Variants in ABL2 observed in about 807,000 individuals in gnomAD.
The protein encoded by ABL2 is tyrosine-protein kinase ABL2.
In ABL2, 49 loss-of-function variants were observed where a neutral mutation model predicts 107.7. The ratio of observed to expected loss-of-function variants is 0.45; its 90% CI spans 0.36 to 0.58. The LOEUF (loss-of-function observed/expected upper bound fraction) is 0.58, where lower values mean the gene tolerates loss of function less well. Ranked by LOEUF, ABL2 falls within the 20% of genes least tolerant of loss-of-function variation. The pLI, the probability that ABL2 is intolerant of heterozygous loss-of-function variation, is 0.00. For synonymous variants in ABL2, 549 were observed against 548.6 expected (o/e 1.00, Z -0.01); for missense variants, 1,245 against 1,457.0 (o/e 0.85, Z 2.37).
At position 179,229,336 on chromosome 1, in the gene ABL2, C is replaced by T. The variant is rs766129565; in HGVS notation, c.62G>A (p.Gly21Glu). 2 of 1,585,378 alleles carry T rather than the reference C, an allele frequency of 1.3e-6. No homozygotes were observed. Among genetic ancestry groups the T allele is most frequent in the South Asian group, 1.1e-5 (1 of 88,058 alleles). The change falls in exon 1 of 12, where the codon GGG (glycine) becomes GAG (glutamate). Residue 21 changes from glycine to glutamate, a missense_variant. This residue lies in a region of ABL2 where 164 missense variants were observed against 143.7 expected (regional missense o/e 1.14). Transcript: ENST00000502732. ...APGLQQPQPR[G>E]IRGSSAARPS... Reference sequence around the variant, plus strand: ...CCTGGCTGCACTGCTGCCCCGGATCCCGCGGGGCTGAGGCTGCTGGAGCCC... The same window carrying T: ...CCTGGCTGCACTGCTGCCCCGGATCTCGCGGGGCTGAGGCTGCTGGAGCCC...
intron 1 of ABL2, among the ~76,000 whole-genome samples, chr1:179,192,471 T>C (rs1210320564): frequency 2.6e-5 from 4 of 152,230 alleles, no homozygotes; most frequent in Admixed American, 6.5e-5. Context: ...TTATTCTCAC[T>C]GGACAAATAA....
chr1:179,130,723 A>ATTTTTTT (rs1006826497), intron 3 of ABL2, among the ~76,000 whole-genome samples: 6 of 114,568 alleles, frequency 5.2e-5, no homozygotes, highest in African/African-American at 2.5e-4. Flanking sequence ...ATCATTATTG[A>ATTTTTTT]TTTTGTGTGT....
At chr1:179,192,723 T>A (rs1442035004) in intron 1 of ABL2, among the ~76,000 whole-genome samples, 1 of 152,082 alleles carries the variant, frequency 6.6e-6, no homozygotes, top group Admixed American at 6.6e-5. Flanking sequence ...ATAGAAAAAA[T>A]TTTAAAACTA....
chr1:179,200,646 G>C lies in ABL2; in HGVS notation c.157+28595C>G, dbSNP rs948789145. ...CATGTAGAGATTTTGTATGAACATG[G>C]AGATTCCAATTATAAACTTATCTGA... On this transcript the variant is annotated intron_variant, in intron 1 of 11. Coordinates refer to ENST00000502732, the MANE Select transcript of ABL2 (RefSeq NM_007314.4). Among the ~76,000 whole-genome samples, 113 of 152,224 alleles carry C rather than the reference G, an allele frequency of 7.4e-4. 2 individuals carry two copies. The highest frequency in any genetic ancestry group is 2.0e-3 in the Admixed American group (31 of 15,290).
At position 179,104,310 on chromosome 1, in the gene ABL2, C is replaced by G. The variant is rs1042721264; in HGVS notation, c.*3408G>C. On this transcript the variant is annotated 3_prime_UTR_variant, in exon 12 of 12. Coordinates refer to ENST00000502732, the MANE Select transcript of ABL2 (RefSeq NM_007314.4). Reference sequence around the variant, plus strand: ...TTAGACTGGCATTAGAGCCTAAACACTAAACCACTATCTATACTGCATCCT... The same window carrying G: ...TTAGACTGGCATTAGAGCCTAAACAGTAAACCACTATCTATACTGCATCCT... The G allele has an allele frequency of 8.8e-6, 2 of 227,918 alleles. No individual in the cohort carries two copies. The highest frequency in any genetic ancestry group is 1.7e-5 in the Non-Finnish European group (2 of 114,852). The allele number at this position is 227,918 out of a possible 1,614,324, so 14.1% of individuals were successfully genotyped here.
chr1:179,187,563 T>C (rs1262325871), intron 1 of ABL2, among the ~76,000 whole-genome samples: 3 of 152,214 alleles, frequency 2.0e-5, no homozygotes, highest in Non-Finnish European at 4.4e-5. Flanking sequence ...TATTGGAGTT[T>C]CTTTGGGGAA....
chr1:179,118,832 A>C, intron 6 of ABL2, 68 bp from the exon 7 acceptor site: 1 of 1,526,748 alleles, frequency 6.5e-7, no homozygotes, highest in Non-Finnish European at 8.9e-7. Flanking sequence ...ACTTTGGCCA[A>C]GAATAATTTG....
At chr1:179,117,560 G>C (rs1181734923) in intron 7 of ABL2, 44 bp from the exon 8 acceptor site, 1 of 1,602,436 alleles carries the variant, frequency 6.2e-7, no homozygotes, top group East Asian at 2.2e-5. Flanking sequence ...CAGATGGTGA[G>C]GAAAATGGTC....
At chr1:179,181,558 C>G (rs548143459) in intron 1 of ABL2, among the ~76,000 whole-genome samples, 1 of 152,256 alleles carries the variant, frequency 6.6e-6, no homozygotes, top group African/African-American at 2.4e-5. Flanking sequence ...CTATCTATAT[C>G]ATGGTGCTGC....
chr1:179,116,952 C>G (rs1461486545), intron 8 of ABL2: 1 of 284,850 alleles, frequency 3.5e-6, no homozygotes, highest in Non-Finnish European at 6.8e-6. Context: ...CCTGCCTCAG[C>G]CTTCAGCCTC....
rs753289224 is a variant in ABL2, at chr1:179,130,728, G to T, written c.391+583C>A. 4.5e-3 allele frequency among the ~76,000 whole-genome samples: 444 copies of T among 97,644 alleles called. 2 individuals carry two copies. The highest frequency in any genetic ancestry group is 0.02 in the African/African-American group (385 of 19,612). 64.1% of individuals were successfully genotyped at this position (97,644 alleles called of 152,430 possible). A position where few individuals can be genotyped will look rare whatever the true frequency, so the allele number is the denominator to read the frequency against. On this transcript the variant is annotated intron_variant, in intron 3 of 11. Coordinates refer to ENST00000502732, the MANE Select transcript of ABL2 (RefSeq NM_007314.4). The stretch of plus-strand genomic sequence containing the variant: ...AATAAAATCAATCATTATTGATTTT[G>T]TGTGTGTGTGTGTGTGTGTGTGTGT...
rs28914471 is a variant in ABL2, at chr1:179,192,491, T to C, written c.157+36750A>G. Reference sequence around the variant, plus strand: ...CTCACTGGACAAATAAATATCCTTGTTCTTGTCCCACACTGCCTGAATTTC... The same window carrying C: ...CTCACTGGACAAATAAATATCCTTGCTCTTGTCCCACACTGCCTGAATTTC... On this transcript the variant is annotated intron_variant, in intron 1 of 11. Transcript: ENST00000502732. Among the ~76,000 whole-genome samples, 716 of 152,346 alleles carry C rather than the reference T, an allele frequency of 4.7e-3. 5 individuals are homozygous for C. Among genetic ancestry groups the C allele is most frequent in the African/African-American group, 0.016 (675 of 41,580 alleles).
At chr1:179,188,583 C>G (rs1008885137) in intron 1 of ABL2, among the ~76,000 whole-genome samples, 1 of 151,960 alleles carries the variant, frequency 6.6e-6, no homozygotes, top group Non-Finnish European at 1.5e-5. Context: ...TCTACTATCA[C>G]TCTCTCCCTT....
chr1:179,206,994 A>G (rs917411480), intron 1 of ABL2, among the ~76,000 whole-genome samples: 1 of 152,160 alleles, frequency 6.6e-6, no homozygotes, highest in Non-Finnish European at 1.5e-5. Context: ...TGAAAGAGAG[A>G]GACAGAATAT....
chr1:179,177,471 CAGA>C (rs1660114758), intron 1 of ABL2, among the ~76,000 whole-genome samples: 1 of 152,218 alleles, frequency 6.6e-6, no homozygotes, highest in Non-Finnish European at 1.5e-5. Flanking sequence ...CAGCAGAATT[CAGA>C]AGGGCAGTCA....
In ABL2 at chr1:179,148,583, T is replaced by C. The variant is rs1488357264; in HGVS notation, c.158-15209A>G. On this transcript the variant is annotated intron_variant, in intron 1 of 11. Transcript: ENST00000502732. ...CTGTCTCACTCCCTCTCCTCAAGCC[T>C]ATTCCTTGAGACACAACAATACTGA... Among the ~76,000 whole-genome samples the C allele has an allele frequency of 2.6e-5, 4 of 152,236 alleles. No individual in the cohort carries two copies. In the East Asian group the frequency reaches 7.7e-4, roughly 29 times the overall value.
intron 1 of ABL2, chr1:179,183,914 A>G: frequency 3.9e-6 from 1 of 257,468 alleles, no homozygotes; most frequent in Non-Finnish European, 7.4e-6. Context: ...CTGAGACTGG[A>G]AGAGACATCA....
Position 179,121,988 on chromosome 1 carries a change from C to A in ABL2, c.688-121G>T, listed in dbSNP as rs374771519. Reference sequence around the variant, plus strand: ...TCACCCAGGCTGGAGTGCACTGGCGCGATCTCGGCTCACTGCAAGCTCCGC... The same window carrying A: ...TCACCCAGGCTGGAGTGCACTGGCGAGATCTCGGCTCACTGCAAGCTCCGC... On this transcript the variant is annotated intron_variant, in intron 4 of 11. Coordinates refer to ENST00000502732, the MANE Select transcript of ABL2 (RefSeq NM_007314.4). The A allele has an allele frequency of 2.2e-5, 21 of 975,194 alleles. No homozygotes were observed. In the East Asian group the frequency reaches 2.8e-4, roughly 13 times the overall value. 60.4% of individuals were successfully genotyped at this position (975,194 alleles called of 1,614,324 possible). A position where few individuals can be genotyped will look rare whatever the true frequency, so the allele number is the denominator to read the frequency against.
chr1:179,219,178 G>A (rs1662740697), intron 1 of ABL2, among the ~76,000 whole-genome samples: 1 of 152,216 alleles, frequency 6.6e-6, no homozygotes, highest in Admixed American at 6.5e-5. Context: ...CAGTAGCTGG[G>A]ACTACATGTG....
Sources: allele counts gnomAD v4.1 joint callset (sites outside exome capture counted in the v4.1 genomes callset), GRCh38; gene constraint gnomAD v4.1.1; regional missense constraint gnomAD v4.1.1; transcripts MANE v1.5; gene names NCBI Gene and HGNC (gene_info 2026-07-23, HGNC 2026-07-21).